BOC: variants seen among roughly 807,000 people sequenced by gnomAD.
BOC encodes brother of CDO.
In BOC, 76 loss-of-function variants were observed where a neutral mutation model predicts 112.0. The observed-to-expected ratio is 0.68, with a 90% CI of 0.56 to 0.82. The LOEUF (loss-of-function observed/expected upper bound fraction) is 0.82. BOC is among the 40% of genes least tolerant of loss of function. The pLI is 0.00. For synonymous variants in BOC, 580 were observed against 599.8 expected (o/e 0.97, Z 0.48); for missense variants, 1,309 against 1,511.7 (o/e 0.87, Z 2.22).
chr3:113,247,274 C>G (rs1945033482), intron 2 of BOC, among the ~76,000 whole-genome samples: 1 of 152,058 alleles, frequency 6.6e-6, no homozygotes, highest in South Asian at 2.1e-4. Flanking sequence ...CAAGCTAGTT[C>G]CCTAAAATCC....
chr3:113,224,816 G>A lies in BOC; in HGVS notation c.-82+8542G>A, dbSNP rs553356876. Among the ~76,000 whole-genome samples the A allele has an allele frequency of 1.3e-3, 203 of 152,224 alleles. 1 individual carries two copies. The highest frequency in any genetic ancestry group is 9.4e-4 in the Non-Finnish European group (64 of 68,014). On this transcript the variant is annotated intron_variant, in intron 2 of 19. Transcript: ENST00000682979. ...TCTACTAAAAACACAAAAATAGGCC[G>A]GGCATGGTGGCTCACGCCTGTAATC... is the stretch of plus-strand genomic sequence containing the variant.
chr3:113,283,724 G>A (rs1478710263), intron 16 of BOC, 92 bp downstream of exon 16: 26 of 1,272,914 alleles, frequency 2.0e-5, no homozygotes, highest in Non-Finnish European at 2.9e-5. Flanking sequence ...TCCATGGAAA[G>A]CTCAAGCCCA....
intron 2 of BOC, among the ~76,000 whole-genome samples, chr3:113,223,618 C>A (rs1330896509): frequency 1.3e-5 from 2 of 152,200 alleles, no homozygotes; most frequent in Non-Finnish European, 2.9e-5. Context: ...CTCCCCCTCC[C>A]TCCCCCAGCC....
In BOC at chr3:113,286,782, G is replaced by A. The variant is rs368172404; in HGVS notation, c.3268G>A (p.Val1090Ile). 1.5e-5 allele frequency: 25 copies of A among 1,613,600 alleles called. No homozygotes were observed. The highest frequency in any genetic ancestry group is 4.0e-5 in the African/African-American group (3 of 74,886). Residue 1090 changes from valine (V) to isoleucine (I), a missense_variant, in exon 20 of 20, where the codon GTA (valine) becomes ATA (isoleucine). Transcript: ENST00000682979. ...TCCCCAGCACCCCGTAGGGGCCTAC[G>A]TAGGACAGGAACCTGGAATGCAGCT... ...WCPQHPVGAY[V>I]GQEPGMQLSP...
chr3:113,225,309 T>C (rs541697163), intron 2 of BOC, among the ~76,000 whole-genome samples: 4 of 151,972 alleles, frequency 2.6e-5, no homozygotes, highest in Admixed American at 2.0e-4. Context: ...CAACTTCTGT[T>C]TGGAATAAAT....
chr3:113,274,713 C>T lies in BOC; in HGVS notation c.1542+31C>T. On this transcript the variant is annotated intron_variant, in intron 9 of 19. Coordinates refer to ENST00000682979, the MANE Select transcript of BOC (RefSeq NM_001378074.1). This position sits in a 1 kb window ranked among gnomAD's most constrained non-coding sequence, Gnocchi z 4.8. ...GCCCTGGTGTGGGGCTGCTGCCTCCCCTGCACAGCCTTTCCAGCAAGGCTG... is the reference window on the plus strand; with the variant it reads ...GCCCTGGTGTGGGGCTGCTGCCTCCTCTGCACAGCCTTTCCAGCAAGGCTG... 1 of 1,545,592 alleles carries T rather than the reference C, an allele frequency of 6.5e-7. No homozygotes were observed. The highest frequency in any genetic ancestry group is 8.8e-7 in the Non-Finnish European group (1 of 1,139,108).
intron 13 of BOC, 96 bp downstream of exon 13, chr3:113,280,101 C>G (rs1222670110): frequency 4.7e-6 from 6 of 1,277,784 alleles, no homozygotes; most frequent in Middle Eastern, 2.5e-4. Flanking sequence ...AACAGGGCAC[C>G]TGAAAGCTTC....
In BOC at chr3:113,283,511, G is replaced by C. The variant is rs755375507; in HGVS notation, c.2535G>C (p.Gly845=). 1.1e-5 allele frequency: 18 copies of C among 1,613,902 alleles called. No homozygotes were observed. The highest frequency in any genetic ancestry group is 5.5e-5 in the South Asian group (5 of 91,054). Residue 845 remains glycine, a synonymous_variant, in exon 16 of 20, where the codon GGG becomes GGC. Transcript: ENST00000682979. ...CCATAGAGCGGCCGGTGGGCACTGG[G>C]GCCATGGTGGCTCGCTCCAGCGACC... ...PETIERPVGT[G]AMVARSSDLP...
At position 113,272,796 on chromosome 3, in the gene BOC, C is replaced by T. The variant is rs563079584; in HGVS notation, c.961+93C>T. On this transcript the variant is annotated intron_variant, in intron 7 of 19. Coordinates refer to ENST00000682979, the MANE Select transcript of BOC (RefSeq NM_001378074.1). ...GTAACCCAGGCTCACAAAGGGTTAG[C>T]ATCTTGTGAAAGGCCACATGCTGAG... 1.2e-3 allele frequency: 1,811 copies of T among 1,452,850 alleles called. 1 individual carries two copies. The highest frequency in any genetic ancestry group is 2.8e-3 in the Admixed American group (141 of 50,570). The allele number at this position is 1,452,850 out of a possible 1,614,324, so 90.0% of individuals were successfully genotyped here. A position where few individuals can be genotyped will look rare whatever the true frequency, so the allele number is the denominator to read the frequency against.
intron 2 of BOC, among the ~76,000 whole-genome samples, chr3:113,228,277 G>T (rs1267457981): frequency 6.6e-6 from 1 of 152,128 alleles, no homozygotes; most frequent in Non-Finnish European, 1.5e-5. Context: ...TGATGGTGTA[G>T]AGTTGAGGTG....
rs1948217589 is a variant in BOC, at chr3:113,272,432, C to T, written c.690C>T (p.Arg230=). 3 of 1,613,652 alleles carry T rather than the reference C, an allele frequency of 1.9e-6. No individual in the cohort carries two copies. Among genetic ancestry groups the T allele is most frequent in the African/African-American group, 2.7e-5 (2 of 74,902 alleles). ...CAGGCTCCACCGCTGAGGCTGCCCGCATCATCTACCCCCCAGAGGCCCAAA... is the reference window on the plus strand; with the variant it reads ...CAGGCTCCACCGCTGAGGCTGCCCGTATCATCTACCCCCCAGAGGCCCAAA... ...RVRRSTAEAA[R]IIYPPEAQTI... The change falls in exon 7 of 20, where the codon CGC becomes CGT. Residue 230 remains arginine, a synonymous_variant. Coordinates refer to ENST00000682979, the MANE Select transcript of BOC (RefSeq NM_001378074.1).
Position 113,274,749 on chromosome 3 carries a change from C to T in BOC, c.1542+67C>T. 6.7e-7 allele frequency: 1 copy of T among 1,485,630 alleles called. No individual in the cohort carries two copies. Among genetic ancestry groups the T allele is most frequent in the South Asian group, 1.3e-5 (1 of 74,716 alleles). The allele number at this position is 1,485,630 out of a possible 1,614,324, so 92.0% of individuals were successfully genotyped here. On this transcript the variant is annotated intron_variant, in intron 9 of 19. Coordinates refer to ENST00000682979, the MANE Select transcript of BOC (RefSeq NM_001378074.1). This position sits in a 1 kb window ranked among gnomAD's most constrained non-coding sequence, Gnocchi z 4.8. ...TTTCCAGCAAGGCTGAGCAGAGTCA[C>T]TGTCTCTTGGCCATCTCCCCTTGAG...
chr3:113,229,094 G>A (rs1027082569), intron 2 of BOC, among the ~76,000 whole-genome samples: 3 of 152,172 alleles, frequency 2.0e-5, no homozygotes, highest in African/African-American at 4.8e-5. Context: ...GAAGGAGTGC[G>A]GCTGCAGCTC....
chr3:113,279,376 GA>G lies in BOC; in HGVS notation c.1947del (p.Val650TrpfsTer23). ...TCCGTGTGGAGTACAAGAAGCTAAA[GA>G]AAGTGGGAGACTGGATTCTGGCCAC... is the stretch of plus-strand genomic sequence containing the variant. ...SFRVEYKKLK[K>X]VGDWILATSA... On this transcript the variant is annotated frameshift_variant, in exon 12 of 20. Coordinates refer to ENST00000682979, the MANE Select transcript of BOC (RefSeq NM_001378074.1). LOFTEE classifies it high-confidence loss of function. 1 of 1,614,212 alleles carries G rather than the reference GA, an allele frequency of 6.2e-7. No individual in the cohort carries two copies. The highest frequency in any genetic ancestry group is 8.5e-7 in the Non-Finnish European group (1 of 1,180,042).
At chr3:113,247,096 TTGTC>T (rs939416669) in intron 2 of BOC, among the ~76,000 whole-genome samples, 7 of 152,144 alleles carry the variant, frequency 4.6e-5, no homozygotes, top group Admixed American at 2.0e-4. Flanking sequence ...CCATTCCTCT[TTGTC>T]TGCTTGTCCT....
chr3:113,271,608 GC>G, intron 6 of BOC: 1 of 184,844 alleles, frequency 5.4e-6, no homozygotes, highest in Non-Finnish European at 1.1e-5. Context: ...GCCTCACAAG[GC>G]CCTAACTTTG....
chr3:113,268,180 T>C, intron 4 of BOC, 119 bp from the exon 5 acceptor site: 3 of 1,442,772 alleles, frequency 2.1e-6, no homozygotes, highest in Non-Finnish European at 2.8e-6. Flanking sequence ...GAGGATCCCC[T>C]GATATCCCCC....
chr3:113,270,618 G>C (rs1033183175), intron 5 of BOC, 183 bp from the exon 6 acceptor site: 7 of 643,388 alleles, frequency 1.1e-5, no homozygotes, highest in African/African-American at 1.8e-5. Flanking sequence ...TGTCCTGCTT[G>C]TTGCAAGGTT....
At chr3:113,254,793 A>G (rs1205824817) in intron 4 of BOC, among the ~76,000 whole-genome samples, 2 of 152,190 alleles carry the variant, frequency 1.3e-5, no homozygotes, top group South Asian at 2.1e-4. Context: ...TCATGGGGCT[A>G]TAGGTCATGG....
Sources: allele counts gnomAD v4.1 joint callset (sites outside exome capture counted in the v4.1 genomes callset), GRCh38; gene constraint gnomAD v4.1.1; non-coding constraint Gnocchi (gnomAD v3.1); transcripts MANE v1.5; gene names NCBI Gene and HGNC (gene_info 2026-07-23, HGNC 2026-07-21).